DCAF6: variants seen among roughly 807,000 people sequenced by gnomAD.
The protein encoded by DCAF6 is DDB1- and CUL4-associated factor 6.
In DCAF6, 54 loss-of-function variants were observed where a neutral mutation model predicts 125.1. The observed-to-expected ratio is 0.43, with a 90% CI of 0.35 to 0.54. DCAF6 has a LOEUF of 0.54. Ranked by LOEUF, DCAF6 falls within the 20% of genes least tolerant of loss-of-function variation. The pLI, the probability that DCAF6 is intolerant of heterozygous loss-of-function variation, is 0.01. For synonymous variants in DCAF6, 371 were observed against 390.4 expected (o/e 0.95, Z 0.58); for missense variants, 934 against 1,161.7 (o/e 0.80, Z 2.85).
chr1:168,063,051 A>C lies in DCAF6; in HGVS notation c.2301-570A>C, dbSNP rs992934820. Among the ~76,000 whole-genome samples the C allele has an allele frequency of 5.3e-5, 8 of 152,024 alleles. No homozygotes were observed. The East Asian group carries it at 1.5e-3, about 29-fold the overall frequency. On this transcript the variant is annotated intron_variant, in intron 17 of 21. Transcript: ENST00000367840. ...CTCAGCCTCCCGAGTAGCTGGGACTATAGGCGCCCGCTGCCAAACCTGGCT... is the reference window on the plus strand; with the variant it reads ...CTCAGCCTCCCGAGTAGCTGGGACTCTAGGCGCCCGCTGCCAAACCTGGCT...
intron 1 of DCAF6, among the ~76,000 whole-genome samples, chr1:167,942,865 T>C (rs564999456): frequency 2.8e-4 from 42 of 152,242 alleles, no homozygotes; most frequent in African/African-American, 9.9e-4. Context: ...TCTAGCTTCA[T>C]GTCTTTATAC....
chr1:167,893,315 G>A, the DCAF6 span, among the ~76,000 whole-genome samples: 4 of 152,150 alleles, frequency 2.6e-5, no homozygotes, highest in African/African-American at 4.8e-5. Context: ...ATAAGGCAAC[G>A]CAGTCCTATT....
chr1:167,900,419 G>T, the DCAF6 span, among the ~76,000 whole-genome samples: 329 of 152,154 alleles, frequency 2.2e-3, 1 homozygote, highest in African/African-American at 7.6e-3. Context: ...GAGGGGGCTG[G>T]GTTCCCATCA....
intron 4 of DCAF6, among the ~76,000 whole-genome samples, chr1:167,977,438 T>TG (rs1557919419): frequency 6.6e-6 from 1 of 152,162 alleles, no homozygotes; most frequent in Non-Finnish European, 1.5e-5. Flanking sequence ...TTGTTGAAGT[T>TG]GCAAAGTCAG....
the DCAF6 span, chr1:167,893,843 T>A: frequency 6.2e-7 from 1 of 1,606,998 alleles, no homozygotes; most frequent in Non-Finnish European, 8.5e-7. Flanking sequence ...AAATTCAATT[T>A]TGAAAATACC....
At chr1:167,934,874 A>G (rs1380512478), upstream of DCAF6, among the ~76,000 whole-genome samples, 1 of 152,198 alleles carries the variant, frequency 6.6e-6, no homozygotes, top group Non-Finnish European at 1.5e-5. Context: ...CACTTTATAG[A>G]AGAGGTAACA....
At chr1:167,921,413 G>C in the DCAF6 span, among the ~76,000 whole-genome samples, 4 of 151,956 alleles carry the variant, frequency 2.6e-5, no homozygotes, top group African/African-American at 9.7e-5. Context: ...ATAGAGACGG[G>C]GTTTCACCAT....
intron 4 of DCAF6, among the ~76,000 whole-genome samples, chr1:167,980,072 T>C (rs575039881): frequency 1.3e-5 from 2 of 152,044 alleles, no homozygotes; most frequent in South Asian, 4.2e-4. Context: ...TCCCAGTTAC[T>C]TGGGAGGCTG....
intron 11 of DCAF6, among the ~76,000 whole-genome samples, chr1:168,017,463 A>T (rs1317401982): frequency 6.6e-6 from 1 of 152,092 alleles, no homozygotes; most frequent in Non-Finnish European, 1.5e-5. Context: ...TTTGAGATTC[A>T]CTAATCTTTT....
At chr1:167,901,562 G>A in the DCAF6 span, 1 of 1,240,156 alleles carries the variant, frequency 8.1e-7, no homozygotes, top group Non-Finnish European at 1.2e-6. Context: ...ATGGGGCTGA[G>A]CCACCATGTT....
intron 4 of DCAF6, among the ~76,000 whole-genome samples, chr1:167,982,279 A>T (rs944815255): frequency 2.6e-5 from 4 of 151,728 alleles, no homozygotes; most frequent in Non-Finnish European, 5.9e-5. Context: ...GTCTCGCTTC[A>T]TCGCCAGGCT....
chr1:167,980,973 C>A (rs899022140), intron 4 of DCAF6, among the ~76,000 whole-genome samples: 1 of 137,246 alleles, frequency 7.3e-6, no homozygotes, highest in Admixed American at 8.4e-5. Context: ...GTGGTACAAT[C>A]GTGGCTCACT....
At chr1:167,891,198 G>A in the DCAF6 span, among the ~76,000 whole-genome samples, 1 of 151,940 alleles carries the variant, frequency 6.6e-6, no homozygotes, top group African/African-American at 2.4e-5. Flanking sequence ...CTGACCTGGT[G>A]ATCCACCCAC....
chr1:167,875,125 A>G, the DCAF6 span: 2 of 1,613,474 alleles, frequency 1.2e-6, no homozygotes, highest in Admixed American at 3.3e-5. Context: ...AAGGCCTACT[A>G]CCTACCCAGC....
At chr1:167,940,966 G>C (rs1353348726) in intron 1 of DCAF6, among the ~76,000 whole-genome samples, 2 of 152,102 alleles carry the variant, frequency 1.3e-5, no homozygotes, top group South Asian at 2.1e-4. Flanking sequence ...TATCATTAGA[G>C]TCAGTATGTA....
the DCAF6 span, chr1:167,920,213 C>T: frequency 4.6e-6 from 3 of 645,846 alleles, no homozygotes; most frequent in East Asian, 2.8e-5. Flanking sequence ...AAATGCTATA[C>T]TCTGAATTTT....
upstream of DCAF6, among the ~76,000 whole-genome samples, chr1:167,932,808 C>CA (rs965449372): frequency 0.12 from 6,486 of 54,156 alleles, 455 homozygotes; most frequent in African/African-American, 0.25. Flanking sequence ...GACTCTGTCT[C>CA]AAAAAAAAAA....
intron 10 of DCAF6, among the ~76,000 whole-genome samples, chr1:168,007,751 A>C (rs1406291295): frequency 6.6e-6 from 1 of 151,870 alleles, no homozygotes; most frequent in East Asian, 1.9e-4. Context: ...ATTATAATCA[A>C]ACCCCTTAGT....
At chr1:167,954,559 T>C (rs1674472299) in intron 2 of DCAF6, among the ~76,000 whole-genome samples, 1 of 151,994 alleles carries the variant, frequency 6.6e-6, no homozygotes, top group Non-Finnish European at 1.5e-5. Flanking sequence ...TTCACGCCAG[T>C]CTCCTGCCTC....
Sources: allele counts gnomAD v4.1 joint callset (sites outside exome capture counted in the v4.1 genomes callset), GRCh38; gene constraint gnomAD v4.1.1; transcripts MANE v1.5; gene names NCBI Gene and HGNC (gene_info 2026-07-23, HGNC 2026-07-21).